Variants in ZRANB2 observed in about 807,000 individuals in gnomAD.
The protein encoded by ZRANB2 is zinc finger Ran-binding domain-containing protein 2.
A neutral mutation model predicts 53.4 loss-of-function variants in ZRANB2; 19 were observed. That is an observed-to-expected ratio of 0.36 (90% CI 0.25 to 0.52). ZRANB2 has a LOEUF of 0.52. ZRANB2 is among the 20% of genes least tolerant of loss of function. The pLI, the probability that ZRANB2 is intolerant of heterozygous loss-of-function variation, is 0.93. For synonymous variants in ZRANB2, 145 were observed against 134.8 expected, an observed-to-expected ratio of 1.08 and a Z score of -0.52; for missense variants, 309 against 401.1, an observed-to-expected ratio of 0.77 and a Z score of 1.96.
At chr1:71,075,632 A>G (rs1661692129) in intron 4 of ZRANB2, among the ~76,000 whole-genome samples, 1 of 152,066 alleles carries the variant, frequency 6.6e-6, no homozygotes, top group Non-Finnish European at 1.5e-5. Flanking sequence ...GGCCAAAAGA[A>G]GAGAAACCTG....
At chr1:71,071,802 A>C (rs2101046534) in intron 6 of ZRANB2, among the ~76,000 whole-genome samples, 1 of 152,284 alleles carries the variant, frequency 6.6e-6, no homozygotes, top group East Asian at 1.9e-4. Flanking sequence ...ATCCATCGGC[A>C]AAACCAAAGT....
At chr1:71,072,827 A>AT (rs1661624123) in intron 4 of ZRANB2, among the ~76,000 whole-genome samples, 4 of 152,098 alleles carry the variant, frequency 2.6e-5, no homozygotes, top group African/African-American at 9.7e-5. Flanking sequence ...AAACATCTCA[A>AT]ACTTCTGCTA....
In ZRANB2 at chr1:71,070,836, G is replaced by A; in HGVS notation, c.674C>T (p.Ser225Phe). 6.3e-7 allele frequency: 1 copy of A among 1,591,578 alleles called. No individual in the cohort carries two copies. Among genetic ancestry groups the A allele is most frequent in the Non-Finnish European group, 8.6e-7 (1 of 1,168,216 alleles). ...SRSSSPSSSR[S>F]RSRSRSRSSS... ...ACCTGTACCCGTTTACCTGGACCTA[G>A]ACCTTGAACTTGAGGGGGAGGATGA... Residue 225 changes from serine (S) to phenylalanine (F), a missense_variant, in exon 7 of 10, where the codon TCT becomes TTT. By Grantham distance (155) the Ser-to-Phe change is radical. Around this residue, in one of 3 missense-constraint regions of ZRANB2, gnomAD observed 211 missense variants for 196.1 expected, o/e 1.08. Coordinates refer to ENST00000370920, the MANE Select transcript of ZRANB2 (RefSeq NM_203350.3).
At chr1:71,073,326 T>G (rs571736633) in intron 4 of ZRANB2, among the ~76,000 whole-genome samples, 3 of 152,002 alleles carry the variant, frequency 2.0e-5, no homozygotes, top group Non-Finnish European at 4.4e-5. Flanking sequence ...CATTGAAAAT[T>G]AAAGAGGTAT....
chr1:71,069,934 T>C (rs1248039174), intron 7 of ZRANB2, among the ~76,000 whole-genome samples: 1 of 152,130 alleles, frequency 6.6e-6, no homozygotes, highest in Non-Finnish European at 1.5e-5. Context: ...ATTTTAAAAC[T>C]CACAAAATTC....
chr1:71,078,601 GAAAT>G (rs1416025121), intron 2 of ZRANB2, 36 bp from the exon 3 acceptor site: 85 of 1,610,368 alleles, frequency 5.3e-5, no homozygotes, highest in Non-Finnish European at 7.1e-5. Context: ...TGAACCTGGA[GAAAT>G]AAATAAATGA....
chr1:71,065,068 A>T lies in ZRANB2; in HGVS notation c.*6T>A. 1 of 1,599,422 alleles carries T rather than the reference A, an allele frequency of 6.3e-7. No homozygotes were observed. The highest frequency in any genetic ancestry group is 1.1e-5 in the South Asian group (1 of 90,154). On this transcript the variant is annotated 3_prime_UTR_variant, in exon 10 of 10. Coordinates refer to ENST00000370920, the MANE Select transcript of ZRANB2 (RefSeq NM_203350.3). ...TGGATTTTTTTAAGATGTAAATTTTAATACATTATTTCTTTTTTGAACTTG... is the reference window on the plus strand; with the variant it reads ...TGGATTTTTTTAAGATGTAAATTTTTATACATTATTTCTTTTTTGAACTTG...
intron 8 of ZRANB2, chr1:71,067,158 A>G: frequency 2.6e-6 from 1 of 378,468 alleles, no homozygotes; most frequent in Non-Finnish European, 4.6e-6. Context: ...ATCATGTGTA[A>G]TTAAAACCCT....
At chr1:71,080,912 C>T (rs771968932) in intron 1 of ZRANB2, 28 bp downstream of exon 1, 1 of 1,613,608 alleles carries the variant, frequency 6.2e-7, no homozygotes, top group Admixed American at 1.7e-5. Flanking sequence ...CAAACTCCGT[C>T]CCAATTCAGG....
At chr1:71,078,832 G>A in intron 1 of ZRANB2, 124 bp from the exon 2 acceptor site, 2 of 814,040 alleles carry the variant, frequency 2.5e-6, no homozygotes, top group Admixed American at 2.8e-5. Context: ...TAATGTCAAT[G>A]TTACCAACAA....
rs1462681472 is a variant in ZRANB2 at position 71,076,910 on chromosome 1, T to C, written c.219-33A>G. The C allele has an allele frequency of 3.4e-6, 5 of 1,457,320 alleles. No homozygotes were observed. In the South Asian group the frequency reaches 4.9e-5, roughly 14 times the overall value. 90.3% of individuals were successfully genotyped at this position (1,457,320 alleles called of 1,614,324 possible). ...AGTGAAAAATACTAAATTAGTAGGC[T>C]ATAATATAGATGAATATCAAATTTT... On this transcript the variant is annotated intron_variant, in intron 3 of 9. Coordinates refer to ENST00000370920, the MANE Select transcript of ZRANB2 (RefSeq NM_203350.3).
intron 4 of ZRANB2, 28 bp from the exon 5 acceptor site, chr1:71,072,576 C>T (rs752599946): frequency 1.3e-6 from 2 of 1,527,174 alleles, no homozygotes; most frequent in Admixed American, 3.7e-5. Context: ...AAATTGTTAC[C>T]CTATGACAAT....
intron 3 of ZRANB2, among the ~76,000 whole-genome samples, chr1:71,077,910 T>C (rs565199265): frequency 1.3e-5 from 2 of 152,164 alleles, no homozygotes; most frequent in Non-Finnish European, 2.9e-5. Flanking sequence ...ACTTTTTTGA[T>C]TTAGACCTCT....
In ZRANB2 at chr1:71,078,708, T is replaced by C. The variant is rs776435421; in HGVS notation, c.57A>G (p.Lys19=). 3 of 1,610,780 alleles carry C rather than the reference T, an allele frequency of 1.9e-6. No individual in the cohort carries two copies. In the South Asian group the frequency reaches 3.3e-5, roughly 18 times the overall value. The stretch of plus-strand genomic sequence containing the variant: ...TTCTAGCAAAGTTTACATTTCCACA[T>C]CTAAAAACAGATTAAAAAGCATTTA... ...SDGDWICPDK[K]CGNVNFARRT... The change falls in exon 2 of 10, where the codon AAA becomes AAG. Residue 19 remains lysine (K), a splice_region_variant and synonymous_variant. Transcript: ENST00000370920.
At chr1:71,069,479 C>T in intron 7 of ZRANB2, 117 bp from the exon 8 acceptor site, 1 of 636,124 alleles carries the variant, frequency 1.6e-6, no homozygotes, top group Non-Finnish European at 2.7e-6. Flanking sequence ...GATAACTATA[C>T]AAGATATATA....
chr1:71,066,676 C>T, intron 9 of ZRANB2, 100 bp downstream of exon 9: 1 of 1,279,198 alleles, frequency 7.8e-7, no homozygotes, highest in Non-Finnish European at 1.1e-6. Flanking sequence ...AAAGTCGGAA[C>T]ACAAGAGATA....
chr1:71,071,418 AAC>A (rs1339025624), intron 6 of ZRANB2, among the ~76,000 whole-genome samples: 2 of 152,194 alleles, frequency 1.3e-5, no homozygotes, highest in Non-Finnish European at 2.9e-5. Context: ...ATCACTCTGA[AAC>A]ACAGGACAGA....
chr1:71,072,885 T>C (rs1661624965), intron 4 of ZRANB2, among the ~76,000 whole-genome samples: 2 of 152,118 alleles, frequency 1.3e-5, no homozygotes, highest in South Asian at 4.1e-4. Flanking sequence ...GTAATTCTTC[T>C]GGGAAGGGTG....
chr1:71,065,251 A>C (rs1488756143), intron 9 of ZRANB2, 114 bp from the exon 10 acceptor site: 9 of 769,694 alleles, frequency 1.2e-5, no homozygotes. Context: ...CTAGCAAAAA[A>C]ATTAAAAATT....
Sources: allele counts gnomAD v4.1 joint callset (sites outside exome capture counted in the v4.1 genomes callset), GRCh38; gene constraint gnomAD v4.1.1; regional missense constraint gnomAD v4.1.1; transcripts MANE v1.5; gene names NCBI Gene and HGNC (gene_info 2026-07-23, HGNC 2026-07-21).